The following TNNI3K variants were observed in gnomAD, a reference collection of about 807,000 sequenced individuals.
The protein encoded by TNNI3K is TNNI3 interacting kinase.
TNNI3K carries 140 observed loss-of-function variants against 114.5 expected under a neutral mutation model. The observed-to-expected ratio is 1.22, with a 90% CI of 1.07 to 1.41. The LOEUF is 1.41. TNNI3K is among the 40% of genes most tolerant of loss of function. TNNI3K has a pLI of 0.00. For synonymous variants in TNNI3K, 347 were observed against 347.5 expected (o/e 1.00, Z 0.02); for missense variants, 1,125 against 1,007.6 (o/e 1.12, Z -1.58).
intron 23 of TNNI3K, among the ~76,000 whole-genome samples, chr1:74,532,742 G>A (rs1258798800): frequency 6.6e-6 from 1 of 151,386 alleles, no homozygotes; most frequent in East Asian, 1.9e-4. Context: ...ACAGAACAGA[G>A]CCCTCAGAAA....
In TNNI3K at chr1:74,316,202, C is replaced by A. The variant is rs376809182; in HGVS notation, c.445-15248C>A. Among the ~76,000 whole-genome samples, 457 of 152,228 alleles carry A rather than the reference C, an allele frequency of 3.0e-3. 1 individual carries two copies. Among genetic ancestry groups the A allele is most frequent in the African/African-American group, 0.01 (418 of 41,540 alleles). On this transcript the variant is annotated intron_variant, in intron 5 of 24. Transcript: ENST00000326637. ...AAAAGACTGGCAATCAAATAATCAA[C>A]AAGAAACATAAAACTGCCACTAGGA...
Position 74,322,618 on chromosome 1 carries a change from G to A in TNNI3K, c.445-8832G>A, listed in dbSNP as rs182164541. ...TGGGAGTACAGGTGCACATCGCCAC[G>A]CCCAGCTAATTTTTTGTATTTTAGT... On this transcript the variant is annotated intron_variant, in intron 5 of 24. Coordinates refer to ENST00000326637, the MANE Select transcript of TNNI3K (RefSeq NM_015978.3). 9.6e-4 allele frequency among the ~76,000 whole-genome samples: 146 copies of A among 151,822 alleles called. No individual in the cohort carries two copies. The South Asian group carries it at 0.011, about 11-fold the overall frequency.
In TNNI3K at chr1:74,493,519, T is replaced by A. The variant is rs45559541; in HGVS notation, c.2351+1253T>A. 5.7e-3 allele frequency among the ~76,000 whole-genome samples: 874 copies of A among 152,326 alleles called. 8 individuals are homozygous for A. Among genetic ancestry groups the A allele is most frequent in the African/African-American group, 0.02 (824 of 41,576 alleles). On this transcript the variant is annotated intron_variant, in intron 23 of 24. Coordinates refer to ENST00000326637, the MANE Select transcript of TNNI3K (RefSeq NM_015978.3). ...TAGTCTCTTTGTCTCTCAGCTTAAA[T>A]GTTAAGTTTCAAAGAGAAATATATC... is the stretch of plus-strand genomic sequence containing the variant.
chr1:74,468,771 C>T (rs1223874087), intron 21 of TNNI3K, among the ~76,000 whole-genome samples: 1 of 151,628 alleles, frequency 6.6e-6, no homozygotes, highest in African/African-American at 2.4e-5. Flanking sequence ...AAGTTTGTTT[C>T]CCTTTTAACA....
At chr1:74,517,025 A>G (rs1216988372) in intron 23 of TNNI3K, among the ~76,000 whole-genome samples, 1 of 152,228 alleles carries the variant, frequency 6.6e-6, no homozygotes, top group Non-Finnish European at 1.5e-5. Context: ...TCAAAAAAAT[A>G]AAAACAGAAA....
intron 23 of TNNI3K, among the ~76,000 whole-genome samples, chr1:74,505,506 C>T (rs1183285945): frequency 6.6e-6 from 1 of 152,168 alleles, no homozygotes; most frequent in Non-Finnish European, 1.5e-5. Flanking sequence ...TGAAGCAGCT[C>T]TTACAATGGC....
At chr1:74,323,766 T>C (rs1255995870) in intron 5 of TNNI3K, among the ~76,000 whole-genome samples, 1 of 152,192 alleles carries the variant, frequency 6.6e-6, no homozygotes, top group Non-Finnish European at 1.5e-5. Context: ...TATTTATTCT[T>C]ATATACTAAG....
intron 17 of TNNI3K, among the ~76,000 whole-genome samples, chr1:74,411,187 TC>T (rs757733356): frequency 6.6e-6 from 1 of 152,148 alleles, no homozygotes; most frequent in Non-Finnish European, 1.5e-5. Context: ...TTTGAAGATT[TC>T]TCAATAAAAG....
At chr1:74,340,795 T>G (rs926903608) in intron 7 of TNNI3K, among the ~76,000 whole-genome samples, 2 of 152,174 alleles carry the variant, frequency 1.3e-5, no homozygotes, top group Non-Finnish European at 2.9e-5. Flanking sequence ...CATTGACTTG[T>G]GGCATTGACT....
chr1:74,389,921 A>G (rs908457586), intron 17 of TNNI3K, among the ~76,000 whole-genome samples: 3 of 152,220 alleles, frequency 2.0e-5, no homozygotes, highest in African/African-American at 7.2e-5. Context: ...AGGGGTAATC[A>G]TGGAGATAAG....
At chr1:74,536,029 T>C (rs1448534274) in intron 23 of TNNI3K, among the ~76,000 whole-genome samples, 1 of 152,170 alleles carries the variant, frequency 6.6e-6, no homozygotes, top group Admixed American at 6.5e-5. Context: ...GTAATCAGTG[T>C]TTTTCTAAGA....
At position 74,419,363 on chromosome 1, in the gene TNNI3K, A is replaced by C. The variant is rs186014321; in HGVS notation, c.1773-16717A>C. Reference sequence around the variant, plus strand: ...CAAAAAACTTAATTACTTAATTACTATAAAAACCTTTTATCCAAATAAGAT... The same window carrying C: ...CAAAAAACTTAATTACTTAATTACTCTAAAAACCTTTTATCCAAATAAGAT... On this transcript the variant is annotated intron_variant, in intron 17 of 24. Transcript: ENST00000326637. Among the ~76,000 whole-genome samples the C allele has an allele frequency of 3.0e-3, 461 of 152,278 alleles. 3 individuals carry two copies. Among genetic ancestry groups the C allele is most frequent in the Non-Finnish European group, 5.3e-3 (363 of 68,014 alleles).
At chr1:74,449,639 A>G (rs1470646828) in intron 20 of TNNI3K, among the ~76,000 whole-genome samples, 2 of 151,778 alleles carry the variant, frequency 1.3e-5, no homozygotes, top group African/African-American at 4.9e-5. Flanking sequence ...AAACCAACAA[A>G]GATCAAAAGA....
At chr1:74,501,717 G>C (rs897850501) in intron 23 of TNNI3K, among the ~76,000 whole-genome samples, 7 of 152,038 alleles carry the variant, frequency 4.6e-5, no homozygotes, top group Admixed American at 3.9e-4. Flanking sequence ...GTGTATTCCT[G>C]ACCTTGTGAT....
At chr1:74,439,401 A>G in intron 19 of TNNI3K, 89 bp from the exon 20 acceptor site, 1 of 1,535,574 alleles carries the variant, frequency 6.5e-7, no homozygotes, top group Non-Finnish European at 8.8e-7. Flanking sequence ...TCGGGAGAAC[A>G]CAGTAAATTC....
At chr1:74,464,870 A>AAGATCAAGATCTTAAG in intron 21 of TNNI3K, 1 of 1,365,088 alleles carries the variant, frequency 7.3e-7, no homozygotes, top group Non-Finnish European at 9.4e-7. Context: ...TATAACACTA[A>AAGATCAAGATCTTAAG]CATCTAAAGC....
intron 20 of TNNI3K, among the ~76,000 whole-genome samples, chr1:74,444,014 A>G (rs943350417): frequency 3.3e-5 from 5 of 152,210 alleles, no homozygotes; most frequent in Admixed American, 2.0e-4. Context: ...ATAGATCAAA[A>G]TAATAAGAGC....
chr1:74,247,252 T>C (rs1654624653), intron 2 of TNNI3K, among the ~76,000 whole-genome samples: 1 of 151,966 alleles, frequency 6.6e-6, no homozygotes, highest in Non-Finnish European at 1.5e-5. Flanking sequence ...TCGCAGTGAG[T>C]GTTACAGCTC....
At chr1:74,447,084 A>G (rs1310794654) in intron 20 of TNNI3K, among the ~76,000 whole-genome samples, 1 of 150,956 alleles carries the variant, frequency 6.6e-6, no homozygotes, top group Admixed American at 6.6e-5. Flanking sequence ...GAAGAAAGTC[A>G]TTGGTAGCTT....
Sources: gnomAD v4.1 joint callset for allele counts (sites outside exome capture counted in the v4.1 genomes callset) on GRCh38, gnomAD v4.1.1 for gene constraint, MANE v1.5 for transcripts, NCBI Gene and HGNC (gene_info 2026-07-23, HGNC 2026-07-21) for gene names.